The following ARHGAP15 variants were observed in gnomAD, a reference collection of about 807,000 sequenced individuals.
The protein encoded by ARHGAP15 is Rho GTPase activating protein 15.
A neutral mutation model predicts 63.7 loss-of-function variants in ARHGAP15; 51 were observed. The observed-to-expected ratio is 0.80, with a 90% confidence interval of 0.64 to 1.01. ARHGAP15 has a LOEUF of 1.01. Among genes scored for constraint, ARHGAP15 ranks in the 50% least tolerant of loss-of-function variants. ARHGAP15 has a pLI of 0.00. For missense variants in ARHGAP15, 560 were observed against 564.6 expected (o/e 0.99, Z 0.08); for synonymous variants, 191 against 193.8 (o/e 0.99, Z 0.12).
chr2:143,509,937 C>T (rs910115080), intron 9 of ARHGAP15, among the ~76,000 whole-genome samples: 1 of 145,048 alleles, frequency 6.9e-6, no homozygotes, highest in African/African-American at 2.5e-5. Flanking sequence ...AGGAGAATCG[C>T]TTGAACCAGG....
At chr2:143,390,233 A>G (rs1057097429) in intron 6 of ARHGAP15, among the ~76,000 whole-genome samples, 2 of 152,078 alleles carry the variant, frequency 1.3e-5, no homozygotes, top group Non-Finnish European at 2.9e-5. Context: ...CTCTGACATA[A>G]ACGTTACATG....
At chr2:143,324,716 A>G (rs554423724) in intron 6 of ARHGAP15, among the ~76,000 whole-genome samples, 6 of 152,278 alleles carry the variant, frequency 3.9e-5, no homozygotes, top group African/African-American at 1.4e-4. Context: ...TCAAAGTAAC[A>G]CGGCACTTGA....
intron 13 of ARHGAP15, among the ~76,000 whole-genome samples, chr2:143,730,561 T>C (rs1247049618): frequency 6.6e-6 from 1 of 152,138 alleles, no homozygotes; most frequent in African/African-American, 2.4e-5. Context: ...ACTTAGGAAG[T>C]TGCTGGCCTC....
At chr2:143,462,668 C>G (rs554482155) in intron 8 of ARHGAP15, among the ~76,000 whole-genome samples, 11 of 152,284 alleles carry the variant, frequency 7.2e-5, no homozygotes, top group African/African-American at 2.6e-4. Flanking sequence ...AAGACTATAC[C>G]TAACCAACCT....
chr2:143,386,040 A>G (rs1380934438), intron 6 of ARHGAP15, among the ~76,000 whole-genome samples: 2 of 152,066 alleles, frequency 1.3e-5, no homozygotes, highest in Non-Finnish European at 2.9e-5. Context: ...AATCATTGTC[A>G]TAGTCCAGTT....
intron 13 of ARHGAP15, among the ~76,000 whole-genome samples, chr2:143,723,786 G>C (rs1418298774): frequency 1.3e-5 from 2 of 152,182 alleles, no homozygotes; most frequent in African/African-American, 4.8e-5. Flanking sequence ...AAGGATCACT[G>C]TGTTGATAGT....
At chr2:143,589,099 T>C (rs1697222250) in intron 11 of ARHGAP15, among the ~76,000 whole-genome samples, 2 of 152,194 alleles carry the variant, frequency 1.3e-5, no homozygotes, top group Admixed American at 6.5e-5. Flanking sequence ...AGTTCAAGCA[T>C]CACTTGCAAT....
chr2:143,448,384 G>A (rs1422107421), intron 8 of ARHGAP15, among the ~76,000 whole-genome samples: 2 of 152,036 alleles, frequency 1.3e-5, no homozygotes, highest in African/African-American at 4.8e-5. Context: ...TAATTTTGGG[G>A]AAAATGTGGA....
chr2:143,556,915 C>T (rs1379219498), intron 11 of ARHGAP15, among the ~76,000 whole-genome samples: 2 of 151,946 alleles, frequency 1.3e-5, no homozygotes, highest in African/African-American at 4.8e-5. Flanking sequence ...TTAGGAAACG[C>T]ATATGCCATC....
chr2:143,143,693 G>T (rs1460636858), intron 1 of ARHGAP15, among the ~76,000 whole-genome samples: 4 of 151,216 alleles, frequency 2.6e-5, no homozygotes, highest in African/African-American at 7.3e-5. Flanking sequence ...AAGAGTACAT[G>T]CTAAGCCATT....
chr2:143,285,322 T>C (rs1682036140), intron 6 of ARHGAP15, among the ~76,000 whole-genome samples: 1 of 152,032 alleles, frequency 6.6e-6, no homozygotes, highest in Non-Finnish European at 1.5e-5. Context: ...AAATGCAAAA[T>C]ATAAATATAC....
At chr2:143,421,902 G>A (rs911955966) in intron 6 of ARHGAP15, among the ~76,000 whole-genome samples, 2 of 151,546 alleles carry the variant, frequency 1.3e-5, no homozygotes, top group Non-Finnish European at 2.9e-5. Context: ...AGAGAAAGGG[G>A]GGGAGAGAGA....
At position 143,768,028 on chromosome 2, in the gene ARHGAP15, A is replaced by G; in HGVS notation, c.1284A>G (p.Gln428=). The G allele has an allele frequency of 6.2e-7, 1 of 1,613,606 alleles. No homozygotes were observed. Among genetic ancestry groups the G allele is most frequent in the Non-Finnish European group, 8.5e-7 (1 of 1,179,698 alleles). The stretch of plus-strand genomic sequence containing the variant: ...CCTCCAAGAACCTCATGTCCACGCA[A>G]AGCTTGGGGATTGTATTTGGACCTA... ...AKASKNLMST[Q]SLGIVFGPTL... Residue 428 remains glutamine (Q), a synonymous_variant, in exon 14 of 14, where the codon CAA becomes CAG. Transcript: ENST00000295095.
intron 12 of ARHGAP15, among the ~76,000 whole-genome samples, chr2:143,637,601 G>A (rs1680385202): frequency 1.3e-5 from 2 of 151,984 alleles, no homozygotes; most frequent in Admixed American, 1.3e-4. Flanking sequence ...TGAGCAGTTT[G>A]TCTTCCAAGT....
chr2:143,483,276 C>T (rs563310775), intron 8 of ARHGAP15, among the ~76,000 whole-genome samples: 20 of 152,002 alleles, frequency 1.3e-4, no homozygotes, highest in Non-Finnish European at 2.9e-4. Flanking sequence ...AGATATAACT[C>T]ATACCGTAAT....
chr2:143,218,512 A>C (rs891799353), intron 4 of ARHGAP15, among the ~76,000 whole-genome samples: 6 of 150,340 alleles, frequency 4.0e-5, no homozygotes, highest in Non-Finnish European at 5.9e-5. Flanking sequence ...ATCTATATTT[A>C]GCTGTATATG....
At chr2:143,142,770 A>C (rs567291091) in intron 1 of ARHGAP15, among the ~76,000 whole-genome samples, 41 of 152,206 alleles carry the variant, frequency 2.7e-4, no homozygotes, top group African/African-American at 9.6e-4. Flanking sequence ...GTAAGTGCAC[A>C]AGATGGGGAA....
chr2:143,456,578 AG>A (rs1340216108), intron 8 of ARHGAP15, among the ~76,000 whole-genome samples: 2 of 151,232 alleles, frequency 1.3e-5, no homozygotes. Flanking sequence ...ATTCACCATG[AG>A]CTGTTCTAAG....
intron 12 of ARHGAP15, among the ~76,000 whole-genome samples, chr2:143,700,989 CT>C (rs941094304): frequency 6.6e-6 from 1 of 151,866 alleles, no homozygotes; most frequent in African/African-American, 2.4e-5. Context: ...TTGCAACTTT[CT>C]TTTTTTTCTC....
Sources: allele counts gnomAD v4.1 joint callset (sites outside exome capture counted in the v4.1 genomes callset), GRCh38; gene constraint gnomAD v4.1.1; transcripts MANE v1.5; gene names NCBI Gene and HGNC (gene_info 2026-07-23, HGNC 2026-07-21).